UNC80: variants seen among roughly 807,000 people sequenced by gnomAD.
UNC80 encodes the protein unc-80 subunit of NALCN channel complex, also known as protein unc-80 homolog.
Under a neutral mutation model 384.6 loss-of-function variants are expected in UNC80, and 164 were observed. The ratio of observed to expected loss-of-function variants is 0.43; its 90% confidence interval spans 0.38 to 0.49. The LOEUF is 0.49. UNC80 is among the 20% of genes least tolerant of loss of function. UNC80 has a pLI of 0.00. For synonymous variants in UNC80, 1,486 were observed against 1,527.8 expected, an observed-to-expected ratio of 0.97 and a Z score of 0.64; for missense variants, 3,330 against 4,143.0, an observed-to-expected ratio of 0.80 and a Z score of 5.39.
intron 31 of UNC80, among the ~76,000 whole-genome samples, chr2:209,915,381 G>A (rs111680068): frequency 2.0e-5 from 3 of 149,370 alleles, no homozygotes; most frequent in Non-Finnish European, 4.4e-5. Flanking sequence ...CTCCAGCCTG[G>A]GCGACAGAGT....
intron 51 of UNC80, among the ~76,000 whole-genome samples, chr2:209,962,314 G>A (rs2092618536): frequency 6.6e-6 from 1 of 152,200 alleles, no homozygotes; most frequent in Non-Finnish European, 1.5e-5. Context: ...AAAAGAATGA[G>A]AGGCCACAGA....
At chr2:209,955,738 T>TATACACAC (rs1437539911) in intron 48 of UNC80, among the ~76,000 whole-genome samples, 4 of 53,550 alleles carry the variant, frequency 7.5e-5, no homozygotes, top group African/African-American at 1.0e-4. Context: ...TATATATATA[T>TATACACAC]ACACACACAC....
At chr2:209,904,641 T>C (rs1313202633) in intron 28 of UNC80, 124 bp from the exon 29 acceptor site, 2 of 807,834 alleles carry the variant, frequency 2.5e-6, no homozygotes, top group Non-Finnish European at 4.1e-6. Context: ...TATTGGACCA[T>C]TGCGATTTCA....
intron 61 of UNC80, among the ~76,000 whole-genome samples, chr2:209,987,651 A>G (rs900285311): frequency 2.6e-5 from 4 of 152,250 alleles, no homozygotes; most frequent in Admixed American, 1.3e-4. Context: ...TTTGAAAGGC[A>G]GAAATTGACA....
intron 60 of UNC80, among the ~76,000 whole-genome samples, chr2:209,983,367 G>A (rs1356936418): frequency 6.6e-6 from 1 of 152,080 alleles, no homozygotes; most frequent in Non-Finnish European, 1.5e-5. Flanking sequence ...TTTTTAAGAA[G>A]GCAATGTTTT....
chr2:209,994,499 TAA>T (rs2093449837), intron 64 of UNC80, among the ~76,000 whole-genome samples: 1 of 152,132 alleles, frequency 6.6e-6, no homozygotes, highest in Admixed American at 6.5e-5. Flanking sequence ...ATGAAAAACC[TAA>T]GAGGAAATAC....
Position 209,921,514 on chromosome 2 carries a change from C to T in UNC80, c.5358C>T (p.Ala1786=), listed in dbSNP as rs2090039294. The stretch of plus-strand genomic sequence containing the variant: ...TGTCTCCACAGAAATCCTTTTCAGC[C>T]CGGGCTGTGTCCCGCTCCCATCAAA... The part of the protein sequence containing the change: ...INEDQSKSFS[A]RAVSRSHQRA... Residue 1786 remains alanine, a synonymous_variant, in exon 34 of 65, where the codon GCC becomes GCT. Coordinates refer to ENST00000673920, the MANE Select transcript of UNC80 (RefSeq NM_001371986.1). 1 of 1,547,010 alleles carries T rather than the reference C, an allele frequency of 6.5e-7. No homozygotes were observed. The highest frequency in any genetic ancestry group is 8.7e-7 in the Non-Finnish European group (1 of 1,145,490).
intron 5 of UNC80, among the ~76,000 whole-genome samples, chr2:209,787,687 G>A (rs986775458): frequency 5.3e-5 from 8 of 152,166 alleles, no homozygotes; most frequent in East Asian, 3.9e-4. Flanking sequence ...CAAACCTACC[G>A]CGCTGCCTGT....
intron 30 of UNC80, 117 bp from the exon 31 acceptor site, chr2:209,913,685 G>A: frequency 2.9e-6 from 3 of 1,033,440 alleles, no homozygotes; most frequent in Non-Finnish European, 4.1e-6. Flanking sequence ...ATTTTAGAAA[G>A]CATTTTAAGG....
At chr2:209,955,730 TATATATATACACACACACAC>T (rs1559390565) in intron 48 of UNC80, among the ~76,000 whole-genome samples, 1 of 63,944 alleles carries the variant, frequency 1.6e-5, no homozygotes, top group African/African-American at 1.0e-4. Context: ...TATATATATA[TATATATATACACACACACAC>T]ACACACACAG....
intron 50 of UNC80, 143 bp from the exon 51 acceptor site, chr2:209,959,346 G>A (rs879552937): frequency 4.1e-5 from 44 of 1,068,746 alleles, no homozygotes; most frequent in South Asian, 4.9e-5. Flanking sequence ...TTTATCCTTC[G>A]GATGAGGTTC....
chr2:209,965,270 C>T (rs2092709884), intron 51 of UNC80, among the ~76,000 whole-genome samples: 1 of 152,016 alleles, frequency 6.6e-6, no homozygotes, highest in Non-Finnish European at 1.5e-5. Context: ...AACCCCATCT[C>T]TACAAAAACT....
At chr2:209,918,063 T>A (rs1294540867) in intron 32 of UNC80, 105 bp downstream of exon 32, 5 of 1,107,452 alleles carry the variant, frequency 4.5e-6, no homozygotes. Context: ...GATATTCTTC[T>A]TTTTTCTCTC....
intron 22 of UNC80, among the ~76,000 whole-genome samples, chr2:209,851,730 C>T (rs746812711): frequency 6.6e-6 from 1 of 151,846 alleles, no homozygotes; most frequent in East Asian, 1.9e-4. Flanking sequence ...GTATGCCCAC[C>T]GTGTTGCCAA....
chr2:209,896,419 T>C lies in UNC80; in HGVS notation c.4581+6T>C, dbSNP rs1207680305. Reference sequence around the variant, plus strand: ...GAAACATGTCGTGGCTTCATGTAAGTAGGAATCTCAGAAACAGCCCTGAGA... The same window carrying C: ...GAAACATGTCGTGGCTTCATGTAAGCAGGAATCTCAGAAACAGCCCTGAGA... On this transcript the variant is annotated splice_donor_region_variant and intron_variant, in intron 28 of 64. Coordinates refer to ENST00000673920, the MANE Select transcript of UNC80 (RefSeq NM_001371986.1). 1.9e-6 allele frequency: 3 copies of C among 1,550,308 alleles called. No homozygotes were observed. The highest frequency in any genetic ancestry group is 2.7e-5 in the African/African-American group (2 of 72,968).
intron 24 of UNC80, among the ~76,000 whole-genome samples, chr2:209,878,964 C>T (rs904050594): frequency 6.6e-6 from 1 of 151,812 alleles, no homozygotes; most frequent in Admixed American, 6.6e-5. Context: ...ATGGATGGGG[C>T]GTAACATTAG....
chr2:209,929,031 A>G (rs975917544), intron 36 of UNC80, among the ~76,000 whole-genome samples: 2 of 152,236 alleles, frequency 1.3e-5, no homozygotes, highest in Admixed American at 6.5e-5. Flanking sequence ...ATAGAGACAC[A>G]TGAAAGCTAC....
intron 38 of UNC80, among the ~76,000 whole-genome samples, chr2:209,933,368 T>C (rs993960967): frequency 6.6e-5 from 10 of 151,934 alleles, no homozygotes; most frequent in Admixed American, 5.9e-4. Flanking sequence ...CCTACACGTG[T>C]ACCCCTGAAT....
In UNC80 at chr2:209,939,482, G is replaced by A. The variant is rs1257484221; in HGVS notation, c.6476G>A (p.Arg2159Gln). 13 of 1,549,382 alleles carry A rather than the reference G, an allele frequency of 8.4e-6. No homozygotes were observed. Among genetic ancestry groups the A allele is most frequent in the East Asian group, 2.4e-5 (1 of 40,880 alleles). ...QELIQKQVFT[R>Q]KLEEVGRVLF... ...TTTTGTTTTCTCCAGGTGTTCACCC[G>A]AAAGCTGGAAGAAGTAGGGCGGGTG... Residue 2159 changes from arginine to glutamine, a missense_variant, in exon 43 of 65, where the codon CGA becomes CAA. By Grantham distance (43) the Arg-to-Gln change is conservative (BLOSUM62 1). This residue lies in a region of UNC80 where 1,049 missense variants were observed against 1,488.6 expected (regional missense o/e 0.70). Coordinates refer to ENST00000673920, the MANE Select transcript of UNC80 (RefSeq NM_001371986.1).
Sources: allele counts gnomAD v4.1 joint callset (sites outside exome capture counted in the v4.1 genomes callset), GRCh38; gene constraint gnomAD v4.1.1; regional missense constraint gnomAD v4.1.1; transcripts MANE v1.5; gene names NCBI Gene and HGNC (gene_info 2026-07-23, HGNC 2026-07-21).